The following PCP4 variants were observed in gnomAD, a reference collection of about 807,000 sequenced individuals.
PCP4 encodes the protein calmodulin regulator protein PCP4.
A neutral mutation model predicts 10.0 loss-of-function variants in PCP4; 8 were observed. The observed-to-expected ratio is 0.80, with a 90% CI of 0.47 to 1.45. PCP4 has a LOEUF of 1.45. Among genes scored for constraint, PCP4 ranks in the 40% most tolerant of loss-of-function variants. The pLI is 0.00. For synonymous variants in PCP4, 21 were observed against 23.0 expected, an observed-to-expected ratio of 0.91 and a Z score of 0.24; for missense variants, 54 against 74.4, an observed-to-expected ratio of 0.73 and a Z score of 1.01.
chr21:39,870,712 C>T lies in PCP4; in HGVS notation c.9+3202C>T, dbSNP rs2276518. 5.9e-4 allele frequency among the ~76,000 whole-genome samples: 90 copies of T among 152,284 alleles called. 1 individual carries two copies. The South Asian group carries it at 1.0e-2, about 17-fold the overall frequency. The stretch of plus-strand genomic sequence containing the variant: ...TCTGAGCGTGAATTTAAAAACGTGA[C>T]GCCCTTGCCCTGTTTAGGGTGCGGG... On this transcript the variant is annotated intron_variant, in intron 1 of 2. Transcript: ENST00000328619.
At chr21:39,917,036 C>T (rs770104223) in intron 2 of PCP4, among the ~76,000 whole-genome samples, 9 of 152,034 alleles carry the variant, frequency 5.9e-5, no homozygotes, top group African/African-American at 7.3e-5. Flanking sequence ...CCATGGCACA[C>T]GTTTACCTAT....
chr21:39,889,226 G>T (rs755716075), intron 1 of PCP4, among the ~76,000 whole-genome samples: 28 of 152,062 alleles, frequency 1.8e-4, no homozygotes, highest in Non-Finnish European at 3.7e-4. Context: ...GGCCACATAG[G>T]CAAGTCTACT....
At chr21:39,907,156 G>A (rs141639716) in intron 2 of PCP4, among the ~76,000 whole-genome samples, 3 of 152,326 alleles carry the variant, frequency 2.0e-5, no homozygotes, top group East Asian at 1.9e-4. Context: ...AATGCTGTCA[G>A]TGGGCAGAGT....
chr21:39,904,923 A>G (rs533260167), intron 2 of PCP4, among the ~76,000 whole-genome samples: 6 of 152,226 alleles, frequency 3.9e-5, no homozygotes, highest in Non-Finnish European at 8.8e-5. Flanking sequence ...TTGAGTATCC[A>G]GCTGCAACGT....
At chr21:39,910,933 GT>G (rs2087536835) in intron 2 of PCP4, among the ~76,000 whole-genome samples, 1 of 152,142 alleles carries the variant, frequency 6.6e-6, no homozygotes, top group Non-Finnish European at 1.5e-5. Flanking sequence ...TTTGTTCCTG[GT>G]TCACCTGCAG....
In PCP4 at chr21:39,906,253, A is replaced by G. The variant is rs1309017252; in HGVS notation, c.61+7726A>G. ...ACACTTTCTCCTGACTTCCCTCTTGACCAGGGTCTTGTTTGTAAATGGGCA... is the reference window on the plus strand; with the variant it reads ...ACACTTTCTCCTGACTTCCCTCTTGGCCAGGGTCTTGTTTGTAAATGGGCA... On this transcript the variant is annotated intron_variant, in intron 2 of 2. Transcript: ENST00000328619. This position sits in a 1 kb window ranked among gnomAD's most constrained non-coding sequence, Gnocchi z 6.3. Among the ~76,000 whole-genome samples, 3 of 152,274 alleles carry G rather than the reference A, an allele frequency of 2.0e-5. No individual in the cohort carries two copies. The highest frequency in any genetic ancestry group is 3.9e-4 in the East Asian group (2 of 5,172).
At chr21:39,903,594 C>T (rs998305753) in intron 2 of PCP4, among the ~76,000 whole-genome samples, 9 of 152,070 alleles carry the variant, frequency 5.9e-5, no homozygotes, top group East Asian at 1.9e-4. Flanking sequence ...TTGGGCTGGG[C>T]GCGGTGGCTC....
intron 1 of PCP4, among the ~76,000 whole-genome samples, chr21:39,891,547 T>C (rs904898049): frequency 7.9e-5 from 12 of 152,254 alleles, no homozygotes; most frequent in Admixed American, 5.9e-4. Flanking sequence ...GAGATTGTAA[T>C]AAATAAAGGC....
In PCP4 at chr21:39,917,370, A is replaced by ATC. The variant is rs138497430; in HGVS notation, c.62-11613_62-11612dup. ...CCTGATGCGCACTTCTGCCTCTCCT[A>ATC]TCCTTCTAGTGCACCTGCCTGGCCA... is the stretch of plus-strand genomic sequence containing the variant. On this transcript the variant is annotated intron_variant, in intron 2 of 2. Coordinates refer to ENST00000328619, the MANE Select transcript of PCP4 (RefSeq NM_006198.3). 2.1e-3 allele frequency among the ~76,000 whole-genome samples: 316 copies of ATC among 152,104 alleles called. 2 individuals are homozygous for ATC. Among genetic ancestry groups the ATC allele is most frequent in the East Asian group, 0.018 (94 of 5,136 alleles).
chr21:39,895,837 C>A (rs1013956797), intron 1 of PCP4, among the ~76,000 whole-genome samples: 1 of 152,236 alleles, frequency 6.6e-6, no homozygotes, highest in African/African-American at 2.4e-5. Context: ...TTGTAAAGAC[C>A]AGACCCTGGG....
At position 39,929,158 on chromosome 21, in the gene PCP4, T is replaced by A. The variant is rs1416798740; in HGVS notation, c.*47T>A. On this transcript the variant is annotated 3_prime_UTR_variant, in exon 3 of 3. Transcript: ENST00000328619. ...CACCTGAAAACACCAAATTCAACCATCATCTGTCAAGAAATTAAAAGAACA... is the reference window on the plus strand; with the variant it reads ...CACCTGAAAACACCAAATTCAACCAACATCTGTCAAGAAATTAAAAGAACA... 1.3e-6 allele frequency: 2 copies of A among 1,571,566 alleles called. No homozygotes were observed. The highest frequency in any genetic ancestry group is 2.3e-5 in the South Asian group (2 of 86,008).
intron 1 of PCP4, among the ~76,000 whole-genome samples, chr21:39,888,334 T>C (rs1746330693): frequency 6.6e-6 from 1 of 152,238 alleles, no homozygotes; most frequent in Non-Finnish European, 1.5e-5. Context: ...TAAAGAGGAC[T>C]CAGGAACAAA....
chr21:39,891,450 A>T (rs2087430775), intron 1 of PCP4, among the ~76,000 whole-genome samples: 1 of 152,196 alleles, frequency 6.6e-6, no homozygotes, highest in Non-Finnish European at 1.5e-5. Flanking sequence ...TCTGTGGAGC[A>T]CCTTGGATCA....
rs148329229 is a variant in PCP4, at chr21:39,896,814, G to A, written c.10-1662G>A. Reference sequence around the variant, plus strand: ...AGAATTTCTTATGGCAATGTTGAACGTCAAAGGAAACTGATTGTTATTTTT... The same window carrying A: ...AGAATTTCTTATGGCAATGTTGAACATCAAAGGAAACTGATTGTTATTTTT... On this transcript the variant is annotated intron_variant, in intron 1 of 2. Transcript: ENST00000328619. 2.4e-3 allele frequency among the ~76,000 whole-genome samples: 368 copies of A among 152,266 alleles called. 3 individuals are homozygous for A. Among genetic ancestry groups the A allele is most frequent in the Non-Finnish European group, 4.3e-3 (294 of 68,008 alleles).
chr21:39,886,365 A>G (rs1416139703), intron 1 of PCP4, among the ~76,000 whole-genome samples: 1 of 152,226 alleles, frequency 6.6e-6, no homozygotes, highest in Non-Finnish European at 1.5e-5. Context: ...TTATTTTACT[A>G]AAATACAAAT....
intron 1 of PCP4, among the ~76,000 whole-genome samples, chr21:39,887,194 A>G (rs1200865489): frequency 1.3e-5 from 2 of 152,182 alleles, no homozygotes; most frequent in Non-Finnish European, 2.9e-5. Flanking sequence ...AGGTCAGGAT[A>G]AAAAAATGAC....
intron 1 of PCP4, among the ~76,000 whole-genome samples, chr21:39,875,727 C>A (rs2087342331): frequency 6.6e-6 from 1 of 152,130 alleles, no homozygotes; most frequent in Non-Finnish European, 1.5e-5. Flanking sequence ...CTAAGGATAT[C>A]AATACTCCCA....
At chr21:39,926,075 C>T in intron 2 of PCP4, 2 of 456,218 alleles carry the variant, frequency 4.4e-6, no homozygotes, top group Non-Finnish European at 8.8e-6. Flanking sequence ...TCCTTACACA[C>T]TCCTGACTGG....
At chr21:39,916,883 G>A (rs1169055903) in intron 2 of PCP4, among the ~76,000 whole-genome samples, 2 of 152,168 alleles carry the variant, frequency 1.3e-5, no homozygotes, top group Non-Finnish European at 2.9e-5. Flanking sequence ...ACTTATAAGT[G>A]GGAGCTGAAT....
Sources: gnomAD v4.1 joint callset for allele counts (sites outside exome capture counted in the v4.1 genomes callset) on GRCh38, gnomAD v4.1.1 for gene constraint, Gnocchi (gnomAD v3.1) non-coding constraint, MANE v1.5 for transcripts, NCBI Gene and HGNC (gene_info 2026-07-23, HGNC 2026-07-21) for gene names.